SUN3: variants seen among roughly 807,000 people sequenced by gnomAD.
The protein encoded by SUN3 is SUN domain-containing protein 3.
In SUN3, 36 loss-of-function variants were observed where a neutral mutation model predicts 48.2. That is an observed-to-expected ratio of 0.75 (90% CI 0.57 to 0.99). The LOEUF (loss-of-function observed/expected upper bound fraction) is 0.99, where lower values mean the gene tolerates loss of function less well. Among genes scored for constraint, SUN3 ranks in the 50% least tolerant of loss-of-function variants. The pLI is 0.00. For synonymous variants in SUN3, 148 were observed against 147.9 expected, an observed-to-expected ratio of 1.00 and a Z score of 0.00; for missense variants, 419 against 433.1, an observed-to-expected ratio of 0.97 and a Z score of 0.29.
intron 3 of SUN3, 41 bp downstream of exon 3, chr7:48,017,221 T>G: frequency 8.9e-7 from 1 of 1,118,220 alleles, no homozygotes; most frequent in Non-Finnish European, 1.3e-6. Context: ...CATATTAAAC[T>G]TTAAATGAGT....
chr7:48,034,316 C>A, the SUN3 span, among the ~76,000 whole-genome samples: 1 of 152,162 alleles, frequency 6.6e-6, no homozygotes, highest in Non-Finnish European at 1.5e-5. Flanking sequence ...CAAAAACTAT[C>A]TTCTCTTTAA....
At chr7:48,017,907 C>T (rs1167000575) in intron 2 of SUN3, among the ~76,000 whole-genome samples, 14 of 152,222 alleles carry the variant, frequency 9.2e-5, no homozygotes, top group African/African-American at 2.9e-4. Context: ...GACATACTGC[C>T]GAAGCCCAAC....
intron 2 of SUN3, among the ~76,000 whole-genome samples, chr7:48,019,979 A>AAAAAAAAAAAAAAAAAAAAAAAAAAC: frequency 1.1e-5 from 1 of 92,434 alleles, no homozygotes; most frequent in Non-Finnish European, 1.9e-5. Context: ...AGACACATCA[A>AAAAAAAAAAAAAAAAAAAAAAAAAAC]AAAAAAAAAA....
the SUN3 span, among the ~76,000 whole-genome samples, chr7:48,034,735 T>G: frequency 0.02 from 3,056 of 152,290 alleles, 89 homozygotes; most frequent in African/African-American, 0.069. Context: ...GGTAATATAC[T>G]CATTGTACTT....
upstream of SUN3, among the ~76,000 whole-genome samples, chr7:48,032,062 G>A (rs148098375): frequency 8.7e-3 from 1,320 of 152,320 alleles, 14 homozygotes; most frequent in African/African-American, 0.03. Context: ...AGTCAAATGT[G>A]TAGAAGCAAA....
chr7:47,988,719 A>C (rs1788967057), intron 9 of SUN3, 69 bp downstream of exon 9: 1 of 921,302 alleles, frequency 1.1e-6, no homozygotes, highest in Admixed American at 2.3e-5. Context: ...GTCACTTTAC[A>C]TGAAGCAATC....
At chr7:48,026,792 A>G (rs148102388) in intron 1 of SUN3, among the ~76,000 whole-genome samples, 1 of 152,186 alleles carries the variant, frequency 6.6e-6, no homozygotes, top group Non-Finnish European at 1.5e-5. Flanking sequence ...GAAAGGTCAC[A>G]TGGGGACACA....
chr7:48,017,193 G>C, intron 3 of SUN3, 69 bp downstream of exon 3: 1 of 747,016 alleles, frequency 1.3e-6, no homozygotes, highest in Non-Finnish European at 2.2e-6. Context: ...CATATTGAAA[G>C]TTGAACTAGC....
chr7:47,997,047 A>G (rs1272759398), intron 6 of SUN3, among the ~76,000 whole-genome samples: 1 of 151,936 alleles, frequency 6.6e-6, no homozygotes, highest in African/African-American at 2.4e-5. Flanking sequence ...TGATGTACCC[A>G]CCTCGGCCTC....
intron 1 of SUN3, among the ~76,000 whole-genome samples, chr7:48,027,088 C>A (rs1185849770): frequency 1.3e-5 from 2 of 152,118 alleles, no homozygotes; most frequent in African/African-American, 4.8e-5. Flanking sequence ...TATAAATGGA[C>A]CCATGTGGGT....
the SUN3 span, among the ~76,000 whole-genome samples, chr7:48,034,661 G>C: frequency 9.3e-4 from 142 of 152,228 alleles, no homozygotes; most frequent in Admixed American, 1.8e-3. Context: ...CATAGCTGTT[G>C]GTGTCTATTG....
chr7:48,001,884 T>C (rs888652584), intron 6 of SUN3, among the ~76,000 whole-genome samples: 1 of 152,182 alleles, frequency 6.6e-6, no homozygotes, highest in African/African-American at 2.4e-5. Context: ...AACACATGCA[T>C]GCATATATCT....
In SUN3 at chr7:48,007,222, G is replaced by T. The variant is rs1252786468; in HGVS notation, c.435C>A (p.Asp145Glu). 1.3e-6 allele frequency: 2 copies of T among 1,597,558 alleles called. 1 individual carries two copies. The change falls in exon 5 of 10, where the codon GAC becomes GAA. Residue 145 changes from aspartate to glutamate, a missense_variant. Physicochemically the swap from Asp to Glu is conservative, Grantham distance 45 (BLOSUM62 2). Coordinates refer to ENST00000297325, the MANE Select transcript of SUN3 (RefSeq NM_001030019.2). ...ALLRDMKDGM[D>E]NNHNWNTHGD... The stretch of plus-strand genomic sequence containing the variant: ...CATGGGTGTTCCAGTTGTGATTATT[G>T]TCCATACCATCCTTCATATCTCTTA...
chr7:48,011,877 G>A (rs1039824778), intron 3 of SUN3, among the ~76,000 whole-genome samples: 2 of 152,180 alleles, frequency 1.3e-5, no homozygotes, highest in Admixed American at 1.3e-4. Flanking sequence ...GAACCTACTC[G>A]TGCCTGAAAT....
At chr7:48,030,360 C>T (rs1420423171), upstream of SUN3, among the ~76,000 whole-genome samples, 1 of 152,216 alleles carries the variant, frequency 6.6e-6, no homozygotes, top group Non-Finnish European at 1.5e-5. Context: ...GCCTTTCCAC[C>T]CGGCATCTGC....
chr7:48,015,393 G>A (rs1316021190), intron 3 of SUN3, among the ~76,000 whole-genome samples: 1 of 152,110 alleles, frequency 6.6e-6, no homozygotes, highest in Non-Finnish European at 1.5e-5. Context: ...GTTATCCTGG[G>A]CATCAACCTA....
At position 47,987,303 on chromosome 7, in the gene SUN3, G is replaced by A; in HGVS notation, c.*27C>T. Reference sequence around the variant, plus strand: ...AAGCATTCTTGAATATTCTGGACATGTGGCATGGCCTTCTGTACCAACTCT... The same window carrying A: ...AAGCATTCTTGAATATTCTGGACATATGGCATGGCCTTCTGTACCAACTCT... On this transcript the variant is annotated 3_prime_UTR_variant, in exon 10 of 10. Coordinates refer to ENST00000297325, the MANE Select transcript of SUN3 (RefSeq NM_001030019.2). 6.2e-7 allele frequency: 1 copy of A among 1,600,320 alleles called. No homozygotes were observed. Among genetic ancestry groups the A allele is most frequent in the Non-Finnish European group, 8.5e-7 (1 of 1,173,700 alleles).
At chr7:48,003,497 C>T (rs979480288) in intron 6 of SUN3, among the ~76,000 whole-genome samples, 5 of 152,192 alleles carry the variant, frequency 3.3e-5, no homozygotes, top group Non-Finnish European at 7.3e-5. Context: ...TTACTTTAGG[C>T]AGTATGGGCA....
chr7:48,018,478 G>T (rs1019625473), intron 2 of SUN3: 1 of 152,322 alleles, frequency 6.6e-6, no homozygotes, highest in African/African-American at 2.4e-5. Context: ...ACAAAAATTA[G>T]CTGGGCGTGG....
Sources: allele counts gnomAD v4.1 joint callset (sites outside exome capture counted in the v4.1 genomes callset), GRCh38; gene constraint gnomAD v4.1.1; transcripts MANE v1.5; gene names NCBI Gene and HGNC (gene_info 2026-07-23, HGNC 2026-07-21).